DTNBP1: variants seen among roughly 807,000 people sequenced by gnomAD.
The protein encoded by DTNBP1 is dysbindin.
Under a neutral mutation model 42.8 loss-of-function variants are expected in DTNBP1, and 35 were observed. The ratio of observed to expected loss-of-function variants is 0.82; its 90% CI spans 0.63 to 1.09. DTNBP1 has a LOEUF of 1.09. DTNBP1 is among the 50% of genes least tolerant of loss of function. The probability of loss-of-function intolerance (pLI) is 0.00; values close to 1 mark genes in which losing one functional copy is unlikely to be tolerated. For synonymous variants in DTNBP1, 171 were observed against 162.2 expected, an observed-to-expected ratio of 1.05 and a Z score of -0.41; for missense variants, 457 against 424.2, an observed-to-expected ratio of 1.08 and a Z score of -0.68.
At chr6:15,601,491 C>T (rs1776725466) in intron 6 of DTNBP1, among the ~76,000 whole-genome samples, 1 of 152,100 alleles carries the variant, frequency 6.6e-6, no homozygotes, top group Non-Finnish European at 1.5e-5. Flanking sequence ...TCAAATCTAC[C>T]TGAATTAATC....
chr6:15,575,369 A>G (rs180791807), intron 7 of DTNBP1, among the ~76,000 whole-genome samples: 1 of 152,300 alleles, frequency 6.6e-6, no homozygotes, highest in East Asian at 1.9e-4. Context: ...AGAAAACCAA[A>G]TAACCCACTC....
intron 7 of DTNBP1, among the ~76,000 whole-genome samples, chr6:15,560,480 T>C (rs948449918): frequency 2.6e-5 from 4 of 152,262 alleles, no homozygotes; most frequent in Non-Finnish European, 5.9e-5. Context: ...TTGTAATTTA[T>C]GGCAATATAA....
intron 7 of DTNBP1, among the ~76,000 whole-genome samples, chr6:15,555,885 C>T (rs1237258829): frequency 6.6e-6 from 1 of 152,178 alleles, no homozygotes; most frequent in Non-Finnish European, 1.5e-5. Context: ...ATCCAAGAAC[C>T]CTCTCTTGGG....
At chr6:15,579,955 C>A in intron 7 of DTNBP1, 1 of 271,278 alleles carries the variant, frequency 3.7e-6, no homozygotes, top group Middle Eastern at 4.3e-4. Context: ...CAAATATGTA[C>A]AATTATGTGT....
intron 7 of DTNBP1, among the ~76,000 whole-genome samples, chr6:15,574,056 C>G (rs539974765): frequency 6.6e-6 from 1 of 152,304 alleles, no homozygotes; most frequent in East Asian, 1.9e-4. Flanking sequence ...TTCACAGGTA[C>G]AAACAGATCA....
intron 7 of DTNBP1, among the ~76,000 whole-genome samples, chr6:15,557,026 G>C (rs1480720025): frequency 1.3e-5 from 2 of 152,148 alleles, no homozygotes; most frequent in Non-Finnish European, 1.5e-5. Context: ...CATGCCCCTT[G>C]GGTATGCTGG....
chr6:15,634,153 A>C (rs1336082066), intron 4 of DTNBP1, among the ~76,000 whole-genome samples: 2 of 138,902 alleles, frequency 1.4e-5, no homozygotes, highest in African/African-American at 2.9e-5. Flanking sequence ...CGTCTTTCAA[A>C]ATATGCCCTT....
chr6:15,560,751 C>T (rs1472008135), intron 7 of DTNBP1, among the ~76,000 whole-genome samples: 4 of 152,088 alleles, frequency 2.6e-5, no homozygotes, highest in African/African-American at 9.7e-5. Flanking sequence ...CTCAGGAGGC[C>T]CAGGTTATCT....
At chr6:15,613,043 C>A (rs1278515862) in intron 6 of DTNBP1, among the ~76,000 whole-genome samples, 1 of 152,012 alleles carries the variant, frequency 6.6e-6, no homozygotes, top group Non-Finnish European at 1.5e-5. Flanking sequence ...CGTGATGGCT[C>A]ACGCCTGTAA....
intron 7 of DTNBP1, among the ~76,000 whole-genome samples, chr6:15,556,728 C>T (rs192906885): frequency 1.5e-4 from 23 of 152,288 alleles, no homozygotes; most frequent in Admixed American, 9.8e-4. Flanking sequence ...CCTGCCCAGC[C>T]CCATTTCAGG....
chr6:15,651,520 A>T, intron 2 of DTNBP1, 157 bp from the exon 3 acceptor site: 1 of 1,023,942 alleles, frequency 9.8e-7, no homozygotes, highest in South Asian at 1.5e-5. Context: ...TTTATTTCAG[A>T]GTTAATGTAC....
intron 7 of DTNBP1, among the ~76,000 whole-genome samples, chr6:15,565,479 C>T (rs780200989): frequency 2.6e-5 from 4 of 152,114 alleles, no homozygotes; most frequent in South Asian, 2.1e-4. Context: ...TATATCCATA[C>T]GATGGGTACC....
intron 5 of DTNBP1, among the ~76,000 whole-genome samples, chr6:15,620,307 C>A (rs889270473): frequency 6.6e-6 from 1 of 152,126 alleles, no homozygotes; most frequent in Non-Finnish European, 1.5e-5. Flanking sequence ...ATAAATGGTA[C>A]ATAAGGAGTT....
chr6:15,633,793 T>C (rs1759831707), intron 4 of DTNBP1, among the ~76,000 whole-genome samples: 1 of 152,106 alleles, frequency 6.6e-6, no homozygotes, highest in Non-Finnish European at 1.5e-5. Context: ...GCTATAAACA[T>C]TAAAAAAAAA....
chr6:15,634,977 T>C (rs572889949), intron 4 of DTNBP1, among the ~76,000 whole-genome samples: 1 of 152,342 alleles, frequency 6.6e-6, no homozygotes, highest in African/African-American at 2.4e-5. Flanking sequence ...CGATTGCTGA[T>C]AGAAAAATGT....
chr6:15,600,270 A>G (rs1776678454), intron 6 of DTNBP1, among the ~76,000 whole-genome samples: 1 of 152,166 alleles, frequency 6.6e-6, no homozygotes, highest in Non-Finnish European at 1.5e-5. Context: ...GAAGTCAGGA[A>G]AACATTGGTT....
In DTNBP1 at chr6:15,557,854, T is replaced by C. The variant is rs566305226; in HGVS notation, c.512-24459A>G. ...ATCAAATGTTTTAAACCTTTGATAT[T>C]TGACAAACTTTCCAAAGTAAAATTA... On this transcript the variant is annotated intron_variant, in intron 7 of 9. Coordinates refer to ENST00000344537, the MANE Select transcript of DTNBP1 (RefSeq NM_032122.5). Among the ~76,000 whole-genome samples, 11 of 152,302 alleles carry C rather than the reference T, an allele frequency of 7.2e-5. No homozygotes were observed. In the South Asian group the frequency reaches 1.9e-3, roughly 26 times the overall value.
chr6:15,609,589 G>A (rs952422446), intron 6 of DTNBP1, among the ~76,000 whole-genome samples: 2 of 152,222 alleles, frequency 1.3e-5, no homozygotes, highest in Admixed American at 1.3e-4. Flanking sequence ...AAAGTGCTGG[G>A]AGTACAGGCG....
At chr6:15,566,121 C>T (rs573414185) in intron 7 of DTNBP1, among the ~76,000 whole-genome samples, 8 of 151,834 alleles carry the variant, frequency 5.3e-5, no homozygotes, top group African/African-American at 1.4e-4. Context: ...GAGACCATCC[C>T]GGCTAAAACG....
Sources: allele counts gnomAD v4.1 joint callset (sites outside exome capture counted in the v4.1 genomes callset), GRCh38; gene constraint gnomAD v4.1.1; transcripts MANE v1.5; gene names NCBI Gene and HGNC (gene_info 2026-07-23, HGNC 2026-07-21).